The following DLC1 variants were observed in gnomAD, a reference collection of about 807,000 sequenced individuals.
The protein encoded by DLC1 is DLC1 Rho GTPase activating protein, also known as rho GTPase-activating protein 7.
A neutral mutation model predicts 140.3 loss-of-function variants in DLC1; 54 were observed. The ratio of observed to expected loss-of-function variants is 0.38; its 90% CI spans 0.31 to 0.48. The LOEUF is 0.48. DLC1 is among the 20% of genes least tolerant of loss of function. The pLI is 0.96. For synonymous variants in DLC1, 986 were observed against 728.1 expected (o/e 1.35, Z -5.70); for missense variants, 2,536 against 1,907.0 (o/e 1.33, Z -6.14).
At chr8:13,250,676 T>A (rs951101752) in intron 5 of DLC1, among the ~76,000 whole-genome samples, 2 of 152,090 alleles carry the variant, frequency 1.3e-5, no homozygotes, top group Admixed American at 6.6e-5. Flanking sequence ...GTAAGTCTAC[T>A]GGGGCTCCCA....
At chr8:13,297,232 C>G (rs1379979345) in intron 5 of DLC1, among the ~76,000 whole-genome samples, 1 of 109,996 alleles carries the variant, frequency 9.1e-6, no homozygotes, top group East Asian at 2.9e-4. Flanking sequence ...GTGGGCATAC[C>G]CTAAATTCTT....
intron 5 of DLC1, among the ~76,000 whole-genome samples, chr8:13,191,334 C>T (rs1046293854): frequency 2.0e-5 from 3 of 152,156 alleles, no homozygotes; most frequent in African/African-American, 4.8e-5. Context: ...TGGTGAAACT[C>T]CGTCTCTACT....
intron 1 of DLC1, among the ~76,000 whole-genome samples, chr8:13,569,369 T>C (rs113529741): frequency 7.3e-6 from 1 of 137,348 alleles, no homozygotes; most frequent in Non-Finnish European, 1.6e-5. Flanking sequence ...ACTATTTTTT[T>C]CCCCCATAAA....
At chr8:13,263,853 A>G (rs1451857837) in intron 5 of DLC1, among the ~76,000 whole-genome samples, 3 of 151,710 alleles carry the variant, frequency 2.0e-5, no homozygotes, top group Non-Finnish European at 2.9e-5. Context: ...ATCTTAGACT[A>G]TGAAATTCCA....
chr8:13,119,331 C>G (rs930337725), intron 5 of DLC1, among the ~76,000 whole-genome samples: 3 of 152,056 alleles, frequency 2.0e-5, no homozygotes, highest in African/African-American at 4.8e-5. Flanking sequence ...CCCAAGCACT[C>G]TAGCCAAAGT....
intron 2 of DLC1, among the ~76,000 whole-genome samples, chr8:13,497,696 C>G (rs1411878698): frequency 6.6e-6 from 1 of 152,142 alleles, no homozygotes; most frequent in South Asian, 2.1e-4. Flanking sequence ...TCAGTTAATA[C>G]TGTCTTATGT....
chr8:13,116,092 T>C, intron 5 of DLC1: 1 of 960,326 alleles, frequency 1.0e-6, no homozygotes, highest in Non-Finnish European at 1.2e-6. Flanking sequence ...TTTATCTGAG[T>C]AAAGTCACAG....
chr8:13,564,094 C>G (rs547740473), intron 1 of DLC1, among the ~76,000 whole-genome samples: 7 of 151,970 alleles, frequency 4.6e-5, no homozygotes, highest in East Asian at 1.9e-4. Context: ...TGCAGTAAAC[C>G]TATATTATTA....
intron 4 of DLC1, among the ~76,000 whole-genome samples, chr8:13,345,616 C>G (rs1335626508): frequency 4.9e-5 from 6 of 122,704 alleles, no homozygotes; most frequent in African/African-American, 1.9e-4. Context: ...TGCAGTGGTA[C>G]CATCTCAGTT....
At chr8:13,256,058 T>A (rs1426561876) in intron 5 of DLC1, among the ~76,000 whole-genome samples, 2 of 152,186 alleles carry the variant, frequency 1.3e-5, no homozygotes, top group Non-Finnish European at 2.9e-5. Flanking sequence ...AAAAAGATGA[T>A]GTAGATTATT....
At chr8:13,153,103 A>C (rs931362244) in intron 5 of DLC1, among the ~76,000 whole-genome samples, 34 of 152,158 alleles carry the variant, frequency 2.2e-4, no homozygotes, top group African/African-American at 8.2e-4. Context: ...GGTCTCACTG[A>C]CTTCAAGAAC....
rs547654684 is a variant in DLC1 at position 13,598,024 on chromosome 8, C to T, written c.-126+6513G>A. Among the ~76,000 whole-genome samples, 13 of 152,124 alleles carry T rather than the reference C, an allele frequency of 8.5e-5. No individual in the cohort carries two copies. The East Asian group carries it at 1.7e-3, about 20-fold the overall frequency. Reference sequence around the variant, plus strand: ...AAGAGTCTGATTACTAATTTTGCTCCGCCACTTGTAGTGGTCTGTCCTGTT... The same window carrying T: ...AAGAGTCTGATTACTAATTTTGCTCTGCCACTTGTAGTGGTCTGTCCTGTT... On this transcript the variant is annotated intron_variant, in intron 1 of 1. Transcript: ENST00000631382.
At chr8:13,388,825 G>A (rs1836632226) in intron 4 of DLC1, among the ~76,000 whole-genome samples, 1 of 151,952 alleles carries the variant, frequency 6.6e-6, no homozygotes, top group South Asian at 2.1e-4. Context: ...AGAAAATGAT[G>A]TTAAAAGCCT....
At chr8:13,579,593 T>C (rs1409131939) in intron 1 of DLC1, among the ~76,000 whole-genome samples, 1 of 134,708 alleles carries the variant, frequency 7.4e-6, no homozygotes, top group African/African-American at 2.8e-5. Context: ...TTTTATATTA[T>C]ATATTTAATA....
At chr8:13,399,995 A>T (rs1430122966) in intron 3 of DLC1, among the ~76,000 whole-genome samples, 1 of 152,126 alleles carries the variant, frequency 6.6e-6, no homozygotes, top group African/African-American at 2.4e-5. Flanking sequence ...CCAGGTCCTA[A>T]TCCTGCCATT....
At chr8:13,531,398 C>T (rs532935005) in intron 1 of DLC1, among the ~76,000 whole-genome samples, 24 of 152,170 alleles carry the variant, frequency 1.6e-4, no homozygotes, top group Middle Eastern at 3.4e-3. Flanking sequence ...CCAGCCTGGC[C>T]AACATGGTGA....
At chr8:13,116,714 G>A (rs1479174480) in intron 5 of DLC1, among the ~76,000 whole-genome samples, 3 of 152,128 alleles carry the variant, frequency 2.0e-5, no homozygotes, top group Admixed American at 6.5e-5. Context: ...GGCCTTTGAA[G>A]AAAGGTAATT....
At chr8:13,176,202 T>C (rs1825749658) in intron 5 of DLC1, among the ~76,000 whole-genome samples, 2 of 152,206 alleles carry the variant, frequency 1.3e-5, no homozygotes, top group Non-Finnish European at 2.9e-5. Flanking sequence ...CATTTTTCAT[T>C]TCTTCTCCAT....
At chr8:13,128,687 G>C (rs1428520136) in intron 5 of DLC1, among the ~76,000 whole-genome samples, 1 of 152,092 alleles carries the variant, frequency 6.6e-6, no homozygotes, top group African/African-American at 2.4e-5. Context: ...CAAAAAATTA[G>C]CTGGGCATTG....
Sources: allele counts gnomAD v4.1 joint callset (sites outside exome capture counted in the v4.1 genomes callset), GRCh38; gene constraint gnomAD v4.1.1; transcripts MANE v1.5; gene names NCBI Gene and HGNC (gene_info 2026-07-23, HGNC 2026-07-21).